The following NFAM1 variants were observed in gnomAD, a reference collection of about 807,000 sequenced individuals.
NFAM1 encodes NFAT activation molecule 1.
Under a neutral mutation model 29.0 loss-of-function variants are expected in NFAM1, and 17 were observed. The ratio of observed to expected loss-of-function variants is 0.59; its 90% CI spans 0.40 to 0.88. The LOEUF is 0.88. Among genes scored for constraint, NFAM1 ranks in the 40% least tolerant of loss-of-function variants. NFAM1 has a pLI of 0.00. For synonymous variants in NFAM1, 175 were observed against 147.2 expected, an observed-to-expected ratio of 1.19 and a Z score of -1.36; for missense variants, 324 against 344.6, an observed-to-expected ratio of 0.94 and a Z score of 0.47.
intron 1 of NFAM1, among the ~76,000 whole-genome samples, chr22:42,418,914 G>A (rs1930345505): frequency 6.6e-6 from 1 of 152,178 alleles, no homozygotes; most frequent in Non-Finnish European, 1.5e-5. Context: ...GGCATGAACA[G>A]CCCTCTGCCT....
In NFAM1 at chr22:42,409,989, T is replaced by A. The variant is rs1162946318; in HGVS notation, c.452-442A>T. Reference sequence around the variant, plus strand: ...GGCCCAGCCCTCCTACCCCATGCCATCCCCAGTCCCTCCTGCTGGCATCCA... The same window carrying A: ...GGCCCAGCCCTCCTACCCCATGCCAACCCCAGTCCCTCCTGCTGGCATCCA... On this transcript the variant is annotated intron_variant, in intron 2 of 5. Transcript: ENST00000329021. This position sits in a 1 kb window ranked among gnomAD's most constrained non-coding sequence, Gnocchi z 4.9. Among the ~76,000 whole-genome samples the A allele has an allele frequency of 6.6e-6, 1 of 152,054 alleles. No homozygotes were observed. Among genetic ancestry groups the A allele is most frequent in the Non-Finnish European group, 1.5e-5 (1 of 67,978 alleles).
chr22:42,428,072 C>T (rs1429069650), intron 1 of NFAM1, among the ~76,000 whole-genome samples: 1 of 152,194 alleles, frequency 6.6e-6, no homozygotes, highest in Non-Finnish European at 1.5e-5. Context: ...AGACAGGACC[C>T]GCTGGGAGTG....
chr22:42,436,066 C>T (rs1000483973), upstream of NFAM1, among the ~76,000 whole-genome samples: 21 of 152,126 alleles, frequency 1.4e-4, no homozygotes, highest in Non-Finnish European at 2.6e-4. Context: ...GTGATCTGCC[C>T]GCCTTGGCCT....
chr22:42,393,765 G>T (rs1929428597), intron 4 of NFAM1, among the ~76,000 whole-genome samples: 1 of 151,460 alleles, frequency 6.6e-6, no homozygotes, highest in Non-Finnish European at 1.5e-5. Context: ...AATCCTTAAT[G>T]AGAGTACTCA....
In NFAM1 at chr22:42,432,280, G is replaced by C; in HGVS notation, c.78C>G (p.Leu26=). Reference sequence around the variant, plus strand: ...CGGGCAGCAGCAGCACGCCAAGGAGGAGCCAGGGGGCTGCGGGGAGCCCAG... The same window carrying C: ...CGGGCAGCAGCAGCACGCCAAGGAGCAGCCAGGGGGCTGCGGGGAGCCCAG... ...RPPGLPAAPW[L]LLGVLLLPGT... Residue 26 remains leucine, a synonymous_variant, in exon 1 of 6, where the codon CTC becomes CTG. Transcript: ENST00000329021. The C allele has an allele frequency of 6.4e-7, 1 of 1,572,720 alleles. No individual in the cohort carries two copies. The highest frequency in any genetic ancestry group is 8.6e-7 in the Non-Finnish European group (1 of 1,158,668).
upstream of NFAM1, among the ~76,000 whole-genome samples, chr22:42,436,116 G>A (rs1025160619): frequency 4.6e-5 from 7 of 152,100 alleles, no homozygotes; most frequent in African/African-American, 1.7e-4. Context: ...CACCGCACCC[G>A]GCCTCAATCC....
At chr22:42,412,493 G>C (rs532211717) in intron 1 of NFAM1, among the ~76,000 whole-genome samples, 53 of 152,348 alleles carry the variant, frequency 3.5e-4, no homozygotes, top group African/African-American at 1.2e-3. Context: ...CCCATCCAGG[G>C]CTGGGGAACA....
chr22:42,423,821 A>G lies in NFAM1; in HGVS notation c.121+8416T>C, dbSNP rs148716740. ...CTGCAATCTCTGCCTCCCAGGTTCA[A>G]GAGATTCTCCTGCCTCAGCCTCCTG... On this transcript the variant is annotated intron_variant, in intron 1 of 5. Transcript: ENST00000329021. Among the ~76,000 whole-genome samples the G allele has an allele frequency of 9.1e-3, 1,390 of 152,002 alleles. 23 individuals are homozygous for G. Among genetic ancestry groups the G allele is most frequent in the African/African-American group, 0.032 (1,307 of 41,460 alleles).
In NFAM1 at chr22:42,419,514, C is replaced by T. The variant is rs181946502; in HGVS notation, c.122-7778G>A. ...TCAGACAGGGTCACGCTAAAACATG[C>T]ATCTCTTAACTTTGGGCCACTGCTA... On this transcript the variant is annotated intron_variant, in intron 1 of 5. Coordinates refer to ENST00000329021, the MANE Select transcript of NFAM1 (RefSeq NM_145912.8). This position sits in a 1 kb window ranked among gnomAD's most constrained non-coding sequence, Gnocchi z 4.5. Among the ~76,000 whole-genome samples the T allele has an allele frequency of 1.1e-3, 164 of 152,334 alleles. 1 individual carries two copies. Among genetic ancestry groups the T allele is most frequent in the African/African-American group, 3.7e-3 (154 of 41,572 alleles).
chr22:42,420,636 G>T lies in NFAM1; in HGVS notation c.122-8900C>A, dbSNP rs6002730. Among the ~76,000 whole-genome samples the T allele has an allele frequency of 2.1e-3, 315 of 151,844 alleles. 1 individual carries two copies. Among genetic ancestry groups the T allele is most frequent in the African/African-American group, 6.5e-3 (271 of 41,414 alleles). On this transcript the variant is annotated intron_variant, in intron 1 of 5. Coordinates refer to ENST00000329021, the MANE Select transcript of NFAM1 (RefSeq NM_145912.8). The stretch of plus-strand genomic sequence containing the variant: ...CAAAAATTAGCCGGGTATGGTGGCA[G>T]GCGCCTGTGATCCCAGCTACTCGGG...
At position 42,384,074 on chromosome 22, in the gene NFAM1, C is replaced by G. The variant is rs190637441; in HGVS notation, c.*1087G>C. On this transcript the variant is annotated 3_prime_UTR_variant, in exon 6 of 6. Coordinates refer to ENST00000329021, the MANE Select transcript of NFAM1 (RefSeq NM_145912.8). ...GAGCTTCTGCCTCAGAGGGACCTTC[C>G]GGCTGCCATTGAGGGTCCCAGCACC... The G allele has an allele frequency of 6.5e-6, 1 of 152,788 alleles. No individual in the cohort carries two copies. The highest frequency in any genetic ancestry group is 2.4e-5 in the African/African-American group (1 of 41,540). 9.5% of individuals were successfully genotyped at this position (152,788 alleles called of 1,614,324 possible).
intron 1 of NFAM1, among the ~76,000 whole-genome samples, chr22:42,414,712 T>G (rs1333370548): frequency 6.6e-6 from 1 of 151,948 alleles, no homozygotes; most frequent in Non-Finnish European, 1.5e-5. Flanking sequence ...CCCCTCGACC[T>G]GTGACCTCCA....
Position 42,409,320 on chromosome 22 carries a change from T to A in NFAM1, c.564+115A>T. 1 of 517,374 alleles carries A rather than the reference T, an allele frequency of 1.9e-6. No individual in the cohort carries two copies. Among genetic ancestry groups the A allele is most frequent in the Middle Eastern group, 4.0e-4 (1 of 2,526 alleles). The allele number at this position is 517,374 out of a possible 1,614,324, so 32.0% of individuals were successfully genotyped here. On this transcript the variant is annotated intron_variant, in intron 3 of 5. Transcript: ENST00000329021. The surrounding 1 kb of genome is among the most constrained non-coding windows in gnomAD (Gnocchi z 4.9). Reference sequence around the variant, plus strand: ...GCAAGGGGCCACGAGGGCCACCTGTTACAGATGTGGATGTGCCCTCACCAG... The same window carrying A: ...GCAAGGGGCCACGAGGGCCACCTGTAACAGATGTGGATGTGCCCTCACCAG...
intron 4 of NFAM1, among the ~76,000 whole-genome samples, chr22:42,389,144 G>A (rs917535889): frequency 6.6e-6 from 1 of 152,214 alleles, no homozygotes; most frequent in Non-Finnish European, 1.5e-5. Flanking sequence ...CTCGGCAGGG[G>A]AGTAGATCTG....
chr22:42,401,092 G>C (rs2147100164), intron 3 of NFAM1, among the ~76,000 whole-genome samples: 1 of 152,316 alleles, frequency 6.6e-6, no homozygotes, highest in African/African-American at 2.4e-5. Context: ...GAGACTGATG[G>C]GGTTGCCAGA....
Position 42,411,672 on chromosome 22 carries a change from G to A in NFAM1, c.186C>T (p.Ser62=). Residue 62 remains serine (S), a synonymous_variant, in exon 2 of 6, where the codon TCC becomes TCT. Coordinates refer to ENST00000329021, the MANE Select transcript of NFAM1 (RefSeq NM_145912.8). Reference sequence around the variant, plus strand: ...ATGGATAGGTGATCCTGCAGCTGAAGGAGATAGCTGTGTTGGCCAGGGAGG... The same window carrying A: ...ATGGATAGGTGATCCTGCAGCTGAAAGAGATAGCTGTGTTGGCCAGGGAGG... ...IMASLANTAI[S]FSCRITYPYT... 1.2e-6 allele frequency: 2 copies of A among 1,614,164 alleles called. No individual in the cohort carries two copies. Among genetic ancestry groups the A allele is most frequent in the Non-Finnish European group, 1.7e-6 (2 of 1,179,972 alleles).
chr22:42,415,277 C>T (rs910367702), intron 1 of NFAM1, among the ~76,000 whole-genome samples: 23 of 150,580 alleles, frequency 1.5e-4, no homozygotes, highest in African/African-American at 4.7e-4. Flanking sequence ...CCTACACCTT[C>T]CTTTCTTTCT....
intron 1 of NFAM1, among the ~76,000 whole-genome samples, chr22:42,413,074 C>T (rs1221730946): frequency 6.6e-6 from 1 of 152,210 alleles, no homozygotes; most frequent in East Asian, 1.9e-4. Context: ...TGCACAGGCC[C>T]CTCGGCTTTA....
At chr22:42,408,764 T>C (rs1476579559) in intron 3 of NFAM1, among the ~76,000 whole-genome samples, 1 of 152,048 alleles carries the variant, frequency 6.6e-6, no homozygotes, top group East Asian at 1.9e-4. Context: ...GCAGAGAGGT[T>C]CCCTCCCCAG....
Sources: allele counts gnomAD v4.1 joint callset (sites outside exome capture counted in the v4.1 genomes callset), GRCh38; gene constraint gnomAD v4.1.1; non-coding constraint Gnocchi (gnomAD v3.1); transcripts MANE v1.5; gene names NCBI Gene and HGNC (gene_info 2026-07-23, HGNC 2026-07-21).